LIMK2: variants seen among roughly 807,000 people sequenced by gnomAD.
LIMK2 encodes LIM domain kinase 2.
Under a neutral mutation model 75.7 loss-of-function variants are expected in LIMK2, and 35 were observed. The ratio of observed to expected loss-of-function variants is 0.46; its 90% CI spans 0.35 to 0.61. The LOEUF (loss-of-function observed/expected upper bound fraction) is 0.61. Among genes scored for constraint, LIMK2 ranks in the 20% least tolerant of loss-of-function variants. LIMK2 has a pLI of 0.00. For missense variants in LIMK2, 623 were observed against 831.0 expected (o/e 0.75, Z 3.08); for synonymous variants, 301 against 319.2 (o/e 0.94, Z 0.61).
At chr22:31,263,050 G>A (rs2048856846) in intron 7 of LIMK2, among the ~76,000 whole-genome samples, 1 of 152,248 alleles carries the variant, frequency 6.6e-6, no homozygotes, top group South Asian at 2.1e-4. Context: ...ACAGGAGGCA[G>A]TGATGCTAAA....
At position 31,225,794 on chromosome 22, in the gene LIMK2, G is replaced by A. The variant is rs1279238051; in HGVS notation, c.91G>A (p.Glu31Lys). The change falls in exon 2 of 16, where the codon GAA (glutamate) becomes AAA (lysine). Residue 31 changes from glutamate to lysine, a missense_variant. By Grantham distance (56) the Glu-to-Lys change is moderately conservative (BLOSUM62 1). Coordinates refer to ENST00000331728, the MANE Select transcript of LIMK2 (RefSeq NM_005569.4). Reference sequence around the variant, plus strand: ...CCAGATATGGTACAGGACTGTCAACGAAACCTGGCACGGCTCTTGCTTCCG... The same window carrying A: ...CCAGATATGGTACAGGACTGTCAACAAAACCTGGCACGGCTCTTGCTTCCG... ...PSQIWYRTVNETWHGSCFRCS... is the reference protein window; with the variant it reads ...PSQIWYRTVNKTWHGSCFRCS... 1.7e-5 allele frequency: 27 copies of A among 1,613,846 alleles called. No individual in the cohort carries two copies. Among genetic ancestry groups the A allele is most frequent in the Admixed American group, 6.7e-5 (4 of 59,998 alleles).
At chr22:31,249,657 C>T (rs940534390) in intron 2 of LIMK2, among the ~76,000 whole-genome samples, 1 of 152,188 alleles carries the variant, frequency 6.6e-6, no homozygotes, top group African/African-American at 2.4e-5. Flanking sequence ...CTGCCTCCCC[C>T]TCACCAGTGG....
chr22:31,263,377 C>G (rs1455245470), intron 7 of LIMK2, among the ~76,000 whole-genome samples: 2 of 152,160 alleles, frequency 1.3e-5, no homozygotes, highest in East Asian at 3.9e-4. Flanking sequence ...CTTCACAAAT[C>G]ACTTCATCTC....
intron 2 of LIMK2, chr22:31,248,286 C>T (rs1366588058): frequency 8.7e-7 from 1 of 1,144,248 alleles, no homozygotes; most frequent in African/African-American, 1.6e-5. Context: ...AACCACACAC[C>T]TCGGTTCTGC....
At chr22:31,243,458 C>G (rs542427103) in intron 2 of LIMK2, among the ~76,000 whole-genome samples, 1 of 152,148 alleles carries the variant, frequency 6.6e-6, no homozygotes, top group African/African-American at 2.4e-5. Flanking sequence ...AGCTTTCTTC[C>G]GACAAAAGGT....
chr22:31,213,952 A>G (rs1185715305), intron 1 of LIMK2, among the ~76,000 whole-genome samples: 1 of 151,810 alleles, frequency 6.6e-6, no homozygotes, highest in Non-Finnish European at 1.5e-5. Context: ...AGTAGCTGGG[A>G]CAACAGGGGC....
intron 2 of LIMK2, among the ~76,000 whole-genome samples, chr22:31,243,883 C>T (rs1385812302): frequency 6.6e-6 from 1 of 152,180 alleles, no homozygotes; most frequent in Non-Finnish European, 1.5e-5. Flanking sequence ...CTCTGAGGAA[C>T]CACACACTTG....
At chr22:31,212,472 G>C in intron 1 of LIMK2, 48 bp downstream of exon 1, 1 of 1,314,642 alleles carries the variant, frequency 7.6e-7, no homozygotes, top group Non-Finnish European at 9.8e-7. Flanking sequence ...TCCGAAGTCC[G>C]GTTCCATGGC....
chr22:31,278,420 G>C lies in LIMK2; in HGVS notation c.1896G>C (p.Leu632=). 1 of 1,612,396 alleles carries C rather than the reference G, an allele frequency of 6.2e-7. No individual in the cohort carries two copies. The highest frequency in any genetic ancestry group is 1.1e-5 in the South Asian group (1 of 90,950). Residue 632 remains leucine (L), a synonymous_variant, in exon 16 of 16, where the codon CTG becomes CTC. Coordinates refer to ENST00000331728, the MANE Select transcript of LIMK2 (RefSeq NM_005569.4). The stretch of plus-strand genomic sequence containing the variant: ...ACACTGTGAGCATGCAGTACGGCCT[G>C]ACCCGGGACTCACCTCCCTAGCCCT... ...LDHTVSMQYG[L]TRDSPP
intron 2 of LIMK2, among the ~76,000 whole-genome samples, chr22:31,239,665 AT>A (rs1326845939): frequency 6.6e-6 from 1 of 151,830 alleles, no homozygotes; most frequent in East Asian, 1.9e-4. Context: ...AGTTATATCC[AT>A]TTCAGTATTT....
At position 31,269,277 on chromosome 22, in the gene LIMK2, T is replaced by A. The variant is rs1013990047; in HGVS notation, c.1317+1077T>A. On this transcript the variant is annotated intron_variant, in intron 11 of 15. Coordinates refer to ENST00000331728, the MANE Select transcript of LIMK2 (RefSeq NM_005569.4). ...GTACCACCACACCTAATTTTTTGAA[T>A]TTTTTTTTCTTTTTTTTTTTTTTTT... Among the ~76,000 whole-genome samples, 3 of 148,036 alleles carry A rather than the reference T, an allele frequency of 2.0e-5. No homozygotes were observed. In the East Asian group the frequency reaches 5.9e-4, roughly 29 times the overall value.
At chr22:31,225,608 C>G in intron 1 of LIMK2, 112 bp from the exon 2 acceptor site, 13 of 771,242 alleles carry the variant, frequency 1.7e-5, no homozygotes, top group Middle Eastern at 3.5e-4. Flanking sequence ...GAGCATTGGC[C>G]TAACCCTTTC....
Position 31,259,128 on chromosome 22 carries a change from G to A in LIMK2, c.260G>A (p.Gly87Glu). 6.2e-7 allele frequency: 1 copy of A among 1,609,016 alleles called. No homozygotes were observed. The highest frequency in any genetic ancestry group is 8.5e-7 in the Non-Finnish European group (1 of 1,175,546). ...LLMTGPFMVAGEFKYHPECFA... is the reference protein window; with the variant it reads ...LLMTGPFMVAEEFKYHPECFA... ...CTCCCCACCTGCTCACAGGTGGCTGGGGAGTTCAAGTACCACCCAGAGTGC... is the reference window on the plus strand; with the variant it reads ...CTCCCCACCTGCTCACAGGTGGCTGAGGAGTTCAAGTACCACCCAGAGTGC... Residue 87 changes from glycine to glutamate, a missense_variant, in exon 4 of 16, where the codon GGG becomes GAG. Around this residue, in one of 3 missense-constraint regions of LIMK2, gnomAD observed 514 missense variants for 661.3 expected, o/e 0.78. Coordinates refer to ENST00000331728, the MANE Select transcript of LIMK2 (RefSeq NM_005569.4).
chr22:31,223,045 G>C (rs2048450324), intron 1 of LIMK2, among the ~76,000 whole-genome samples: 1 of 152,194 alleles, frequency 6.6e-6, no homozygotes, highest in South Asian at 2.1e-4. Flanking sequence ...GTCTAACCCA[G>C]AGCTGAGATA....
intron 2 of LIMK2, among the ~76,000 whole-genome samples, chr22:31,248,023 C>G (rs1367323494): frequency 6.6e-6 from 1 of 151,328 alleles, no homozygotes; most frequent in Non-Finnish European, 1.5e-5. Flanking sequence ...TCTGGTGTGG[C>G]TCTTCCTGGA....
chr22:31,246,096 C>G (rs1601418242), intron 2 of LIMK2, among the ~76,000 whole-genome samples: 1 of 151,544 alleles, frequency 6.6e-6, no homozygotes, highest in East Asian at 1.9e-4. Flanking sequence ...TTGCTTGAAC[C>G]TGGGAGGCGG....
chr22:31,265,216 A>AAAAT, intron 7 of LIMK2, among the ~76,000 whole-genome samples: 1 of 146,374 alleles, frequency 6.8e-6, no homozygotes, highest in African/African-American at 2.5e-5. Flanking sequence ...AAAAAAAAAA[A>AAAAT]TTAGCCGGGC....
At position 31,262,247 on chromosome 22, in the gene LIMK2, G is replaced by A. The variant is rs1487790392; in HGVS notation, c.657+8G>A. 4 of 1,592,728 alleles carry A rather than the reference G, an allele frequency of 2.5e-6. No individual in the cohort carries two copies. The highest frequency in any genetic ancestry group is 1.7e-4 in the Middle Eastern group (1 of 6,036). On this transcript the variant is annotated splice_region_variant and intron_variant, in intron 6 of 15. Coordinates refer to ENST00000331728, the MANE Select transcript of LIMK2 (RefSeq NM_005569.4). This position sits in a 1 kb window ranked among gnomAD's most constrained non-coding sequence, Gnocchi z 5.0. Reference sequence around the variant, plus strand: ...ACACTTCGAGTGGAGGAGGTAGAGTGTGTGTCTAATCTGTCTTGTGAGGGT... The same window carrying A: ...ACACTTCGAGTGGAGGAGGTAGAGTATGTGTCTAATCTGTCTTGTGAGGGT...
rs58465541 is a variant in LIMK2, at chr22:31,239,944, A to T, written c.116+14125A>T. ...GAGGTGATAAGATAAGCTCAAACTT[A>T]TGTAGACTAAGACCTCAGTCTGTAA... On this transcript the variant is annotated intron_variant, in intron 2 of 15. Transcript: ENST00000331728. Among the ~76,000 whole-genome samples the T allele has an allele frequency of 6.7e-3, 1,020 of 152,312 alleles. 9 individuals are homozygous for T. Among genetic ancestry groups the T allele is most frequent in the African/African-American group, 0.024 (987 of 41,558 alleles).
Sources: gnomAD v4.1 joint callset for allele counts (sites outside exome capture counted in the v4.1 genomes callset) on GRCh38, gnomAD v4.1.1 for gene constraint, gnomAD v4.1.1 regional missense constraint, Gnocchi (gnomAD v3.1) non-coding constraint, MANE v1.5 for transcripts, NCBI Gene and HGNC (gene_info 2026-07-23, HGNC 2026-07-21) for gene names.